Variants in PCSK2 observed in about 807,000 individuals in gnomAD.
The protein encoded by PCSK2 is proprotein convertase subtilisin/kexin type 2, also known as neuroendocrine convertase 2.
A neutral mutation model predicts 69.7 loss-of-function variants in PCSK2; 14 were observed. The observed-to-expected ratio is 0.20, with a 90% CI of 0.13 to 0.31. The LOEUF (loss-of-function observed/expected upper bound fraction) is 0.31. PCSK2 is among the 10% of genes least tolerant of loss of function. The probability of loss-of-function intolerance (pLI) is 1.00; values close to 1 mark genes in which losing one functional copy is unlikely to be tolerated. For synonymous variants in PCSK2, 307 were observed against 320.7 expected, an observed-to-expected ratio of 0.96 and a Z score of 0.46; for missense variants, 544 against 842.5, an observed-to-expected ratio of 0.65 and a Z score of 4.39.
chr20:17,448,094 G>T (rs141376908), intron 8 of PCSK2, among the ~76,000 whole-genome samples: 2 of 152,016 alleles, frequency 1.3e-5, no homozygotes, highest in African/African-American at 4.8e-5. Context: ...TTTTTCCAAG[G>T]TATGCTAATG....
intron 2 of PCSK2, among the ~76,000 whole-genome samples, chr20:17,303,492 T>TA (rs1568593606): frequency 0.057 from 3,274 of 56,998 alleles, 128 homozygotes; most frequent in Non-Finnish European, 0.065. Flanking sequence ...ATATATTATA[T>TA]TTAATATAAT....
rs531909682 is a variant in PCSK2, at chr20:17,412,939, T to G, written c.620+3600T>G. On this transcript the variant is annotated intron_variant, in intron 6 of 11. Coordinates refer to ENST00000262545, the MANE Select transcript of PCSK2 (RefSeq NM_002594.5). Reference sequence around the variant, plus strand: ...TCATATCCAGCCAAACTAAGCTTCATAAGTGAAGGAGAAATAAAATCCTTT... The same window carrying G: ...TCATATCCAGCCAAACTAAGCTTCAGAAGTGAAGGAGAAATAAAATCCTTT... Among the ~76,000 whole-genome samples the G allele has an allele frequency of 7.9e-5, 12 of 152,244 alleles. No individual in the cohort carries two copies. The East Asian group carries it at 1.9e-3, about 24-fold the overall frequency.
At chr20:17,325,861 T>A (rs1164429828) in intron 2 of PCSK2, among the ~76,000 whole-genome samples, 3 of 152,230 alleles carry the variant, frequency 2.0e-5, no homozygotes, top group African/African-American at 4.8e-5. Flanking sequence ...AGCCCAGGCA[T>A]GTTCTTCTCA....
upstream of PCSK2, chr20:17,226,451 A>G: frequency 6.6e-6 from 1 of 151,602 alleles, no homozygotes; most frequent in Non-Finnish European, 1.5e-5. Flanking sequence ...TGGTGGGAGG[A>G]GGGTTAATAT....
At position 17,272,117 on chromosome 20, in the gene PCSK2, C is replaced by T. The variant is rs556968888; in HGVS notation, c.282+11773C>T. On this transcript the variant is annotated intron_variant, in intron 2 of 11. Transcript: ENST00000262545. ...GAAAATAGTTATCATGCCCCCTGGA[C>T]CTTCCTAGAGTAAGCATTCTTAGTT... 1.2e-4 allele frequency among the ~76,000 whole-genome samples: 18 copies of T among 152,222 alleles called. No homozygotes were observed. The South Asian group carries it at 3.5e-3, about 30-fold the overall frequency.
intron 6 of PCSK2, among the ~76,000 whole-genome samples, chr20:17,414,382 T>G (rs969251411): frequency 6.6e-6 from 1 of 152,162 alleles, no homozygotes; most frequent in African/African-American, 2.4e-5. Context: ...AAATACAAAC[T>G]ACCATCAGAG....
chr20:17,345,173 G>A (rs771437604), intron 2 of PCSK2, among the ~76,000 whole-genome samples: 3 of 152,106 alleles, frequency 2.0e-5, no homozygotes, highest in Non-Finnish European at 4.4e-5. Flanking sequence ...GCTCAGGGGA[G>A]GTGATATGGG....
chr20:17,475,191 C>T (rs1403701224), intron 11 of PCSK2, among the ~76,000 whole-genome samples: 4 of 151,638 alleles, frequency 2.6e-5, no homozygotes, highest in South Asian at 2.1e-4. Context: ...ACAGTTGTCC[C>T]GCTTGGGGGC....
chr20:17,425,563 T>A (rs1275647484), intron 6 of PCSK2, among the ~76,000 whole-genome samples: 1 of 152,244 alleles, frequency 6.6e-6, no homozygotes, highest in Non-Finnish European at 1.5e-5. Flanking sequence ...ATTATAGGAA[T>A]AATCAATAGG....
chr20:17,335,371 A>T (rs6044740), intron 2 of PCSK2, among the ~76,000 whole-genome samples: 2 of 151,546 alleles, frequency 1.3e-5, no homozygotes, highest in East Asian at 1.9e-4. Context: ...AGGCCAAAAC[A>T]CAAGATGTCC....
intron 2 of PCSK2, among the ~76,000 whole-genome samples, chr20:17,297,241 G>T (rs1030614891): frequency 1.3e-5 from 2 of 152,218 alleles, no homozygotes; most frequent in East Asian, 1.9e-4. Context: ...AACAGTGCCA[G>T]ACAGAGACGT....
At chr20:17,357,766 T>C (rs983129526) in intron 2 of PCSK2, among the ~76,000 whole-genome samples, 2 of 152,016 alleles carry the variant, frequency 1.3e-5, no homozygotes, top group Non-Finnish European at 2.9e-5. Context: ...TGGTGGCACA[T>C]GCCTGTAATC....
intron 1 of PCSK2, among the ~76,000 whole-genome samples, chr20:17,231,483 T>C (rs1340123845): frequency 6.6e-6 from 1 of 152,204 alleles, no homozygotes; most frequent in Non-Finnish European, 1.5e-5. Flanking sequence ...GTTTTAGCTA[T>C]TATAAATATA....
chr20:17,435,539 G>A lies in PCSK2; in HGVS notation c.710-1169G>A, dbSNP rs887452135. Among the ~76,000 whole-genome samples the A allele has an allele frequency of 3.9e-5, 6 of 152,108 alleles. No homozygotes were observed. In the South Asian group the frequency reaches 1.0e-3, roughly 26 times the overall value. ...CAAGGACCTGGGTGGCTTTTAATTC[G>A]ATTGACGTGCTCGCCATGTTAGAGA... On this transcript the variant is annotated intron_variant, in intron 7 of 11. Transcript: ENST00000262545.
intron 2 of PCSK2, among the ~76,000 whole-genome samples, chr20:17,301,922 T>C (rs1262968262): frequency 6.6e-6 from 1 of 152,078 alleles, no homozygotes; most frequent in African/African-American, 2.4e-5. Flanking sequence ...AGAGCAAGAC[T>C]CCATCTCAAA....
rs1410092846 is a variant in PCSK2 at position 17,227,192 on chromosome 20, C to A, written c.-114C>A. The A allele has an allele frequency of 7.2e-6, 5 of 690,132 alleles. No homozygotes were observed. The highest frequency in any genetic ancestry group is 1.8e-5 in the African/African-American group (1 of 55,252). 42.8% of individuals were successfully genotyped at this position (690,132 alleles called of 1,614,324 possible). A position where few individuals can be genotyped will look rare whatever the true frequency, so the allele number is the denominator to read the frequency against. On this transcript the variant is annotated 5_prime_UTR_variant, in exon 1 of 12. Transcript: ENST00000262545. ...ACCCTGTTCAGTCTCTTTCTCTATA[C>A]AAAGATTTTTTTAAAAACTATATAT...
At chr20:17,280,409 A>G (rs141523603) in intron 2 of PCSK2, among the ~76,000 whole-genome samples, 188 of 152,308 alleles carry the variant, frequency 1.2e-3, no homozygotes, top group Non-Finnish European at 2.2e-3. Context: ...AGTGAAATTG[A>G]TGGGTCAAAT....
chr20:17,317,584 T>C (rs1031511687), intron 2 of PCSK2, among the ~76,000 whole-genome samples: 4 of 152,320 alleles, frequency 2.6e-5, no homozygotes, highest in Middle Eastern at 6.8e-3. Context: ...ACAGCTGCCA[T>C]CTGTTCCTCT....
rs781655844 is a variant in PCSK2 at position 17,453,963 on chromosome 20, C to T, written c.1101+6C>T. 2 of 1,614,116 alleles carry T rather than the reference C, an allele frequency of 1.2e-6. No individual in the cohort carries two copies. The highest frequency in any genetic ancestry group is 1.1e-5 in the South Asian group (1 of 91,078). The stretch of plus-strand genomic sequence containing the variant: ...GGAACCCCGAGGCCGGTGTGGTGAG[C>T]ACGTCCCCTTCTGTCCTTGTTTCCT... On this transcript the variant is annotated splice_donor_region_variant and intron_variant, in intron 9 of 11. Coordinates refer to ENST00000262545, the MANE Select transcript of PCSK2 (RefSeq NM_002594.5). This position sits in a 1 kb window ranked among gnomAD's most constrained non-coding sequence, Gnocchi z 4.0.
Sources: allele counts gnomAD v4.1 joint callset (sites outside exome capture counted in the v4.1 genomes callset), GRCh38; gene constraint gnomAD v4.1.1; non-coding constraint Gnocchi (gnomAD v3.1); transcripts MANE v1.5; gene names NCBI Gene and HGNC (gene_info 2026-07-23, HGNC 2026-07-21).